The following PLEKHA5 variants were observed in gnomAD, a reference collection of about 807,000 sequenced individuals.
PLEKHA5 encodes pleckstrin homology domain-containing family A member 5.
Under a neutral mutation model 181.9 loss-of-function variants are expected in PLEKHA5, and 55 were observed. The ratio of observed to expected loss-of-function variants is 0.30; its 90% CI spans 0.24 to 0.38. The LOEUF (loss-of-function observed/expected upper bound fraction) is 0.38, where lower values mean the gene tolerates loss of function less well. PLEKHA5 is among the 10% of genes least tolerant of loss of function. The probability of loss-of-function intolerance (pLI) is 1.00; values close to 1 mark genes in which losing one functional copy is unlikely to be tolerated. For missense variants in PLEKHA5, 1,432 were observed against 1,549.5 expected, an observed-to-expected ratio of 0.92 and a Z score of 1.27; for synonymous variants, 535 against 529.4, an observed-to-expected ratio of 1.01 and a Z score of -0.15.
At chr12:19,260,304 G>T (rs1385198046) in intron 6 of PLEKHA5, among the ~76,000 whole-genome samples, 1 of 152,150 alleles carries the variant, frequency 6.6e-6, no homozygotes, top group Non-Finnish European at 1.5e-5. Flanking sequence ...TGGTTTACCA[G>T]AACACATGCA....
chr12:19,311,561 C>T (rs2086572333), intron 15 of PLEKHA5, among the ~76,000 whole-genome samples: 1 of 152,094 alleles, frequency 6.6e-6, no homozygotes, highest in Admixed American at 6.6e-5. Flanking sequence ...GTTCACAGTA[C>T]CTTCACCAGG....
intron 3 of PLEKHA5, among the ~76,000 whole-genome samples, chr12:19,192,252 C>G (rs1384484083): frequency 6.6e-6 from 1 of 151,834 alleles, no homozygotes; most frequent in East Asian, 1.9e-4. Flanking sequence ...TCATAGGAAA[C>G]TTGGAGAGAA....
At chr12:19,316,735 A>G (rs1345599130) in intron 16 of PLEKHA5, among the ~76,000 whole-genome samples, 1 of 152,190 alleles carries the variant, frequency 6.6e-6, no homozygotes. Context: ...CATCCTTAAT[A>G]GATTAAAGTG....
intron 3 of PLEKHA5, among the ~76,000 whole-genome samples, chr12:19,179,316 A>G (rs2048000451): frequency 6.6e-6 from 1 of 152,176 alleles, no homozygotes; most frequent in Non-Finnish European, 1.5e-5. Flanking sequence ...GAATTTATGC[A>G]TAAGGCTAAG....
rs370238404 is a variant in PLEKHA5 at position 19,369,182 on chromosome 12, G to A, written c.3755-511G>A. ...CCTAAGTAGCTAGGACTACAGGCACGAGCTACCATGTCTGACTAATTTTTG... is the reference window on the plus strand; with the variant it reads ...CCTAAGTAGCTAGGACTACAGGCACAAGCTACCATGTCTGACTAATTTTTG... On this transcript the variant is annotated intron_variant, in intron 30 of 31. Coordinates refer to ENST00000429027, the MANE Select transcript of PLEKHA5 (RefSeq NM_001256470.2). 2.2e-4 allele frequency among the ~76,000 whole-genome samples: 33 copies of A among 151,760 alleles called. No individual in the cohort carries two copies. The South Asian group carries it at 5.2e-3, about 24-fold the overall frequency.
intron 15 of PLEKHA5, among the ~76,000 whole-genome samples, chr12:19,302,239 T>C (rs1344686877): frequency 6.6e-6 from 1 of 152,174 alleles, no homozygotes. Flanking sequence ...AAGAGATGGG[T>C]CTTCTTCTTA....
chr12:19,298,350 T>C (rs1325699099), intron 15 of PLEKHA5, among the ~76,000 whole-genome samples: 1 of 151,906 alleles, frequency 6.6e-6, no homozygotes, highest in Non-Finnish European at 1.5e-5. Context: ...GCCTATTTAG[T>C]GCTCTTACAT....
At chr12:19,330,140 G>C (rs1432512517) in intron 20 of PLEKHA5, among the ~76,000 whole-genome samples, 1 of 152,146 alleles carries the variant, frequency 6.6e-6, no homozygotes, top group South Asian at 2.1e-4. Context: ...CTGTGTGCTA[G>C]CCTTTCTATT....
chr12:19,307,637 AT>A, intron 15 of PLEKHA5: 1 of 321,946 alleles, frequency 3.1e-6, no homozygotes. Context: ...CAAGAGAGTG[AT>A]TACATTGTCA....
At position 19,289,150 on chromosome 12, in the gene PLEKHA5, A is replaced by G. The variant is rs7964295; in HGVS notation, c.1864-1527A>G. Among the ~76,000 whole-genome samples, 1,510 of 152,272 alleles carry G rather than the reference A, an allele frequency of 9.9e-3. 22 individuals are homozygous for G. Among genetic ancestry groups the G allele is most frequent in the African/African-American group, 0.034 (1,392 of 41,538 alleles). On this transcript the variant is annotated intron_variant, in intron 13 of 31. Coordinates refer to ENST00000429027, the MANE Select transcript of PLEKHA5 (RefSeq NM_001256470.2). ...TAGGATTGGCATCAGAGCAAAAGCA[A>G]CTGTTCTTTTTCTCTTACATGGTTT... is the stretch of plus-strand genomic sequence containing the variant.
intron 3 of PLEKHA5, among the ~76,000 whole-genome samples, chr12:19,236,712 A>G (rs2061460573): frequency 6.6e-6 from 1 of 152,184 alleles, no homozygotes; most frequent in African/African-American, 2.4e-5. Flanking sequence ...GTTTTATCCT[A>G]TGCTATATGC....
chr12:19,204,542 G>A (rs2054943672), intron 3 of PLEKHA5, among the ~76,000 whole-genome samples: 1 of 152,112 alleles, frequency 6.6e-6, no homozygotes, highest in Non-Finnish European at 1.5e-5. Context: ...GGTGAATTAT[G>A]TATTTGATGG....
chr12:19,261,146 A>G (rs2068364180), intron 7 of PLEKHA5, 125 bp downstream of exon 7: 6 of 522,544 alleles, frequency 1.1e-5, no homozygotes, highest in African/African-American at 1.9e-5. Context: ...ATAGTATCAA[A>G]CAGATTTTTT....
chr12:19,166,553 A>G (rs1293790494), intron 3 of PLEKHA5, among the ~76,000 whole-genome samples: 1 of 152,102 alleles, frequency 6.6e-6, no homozygotes, highest in African/African-American at 2.4e-5. Context: ...TTACCTGACT[A>G]GTGGCTGTGA....
chr12:19,214,265 C>T (rs988633803), intron 3 of PLEKHA5, among the ~76,000 whole-genome samples: 4 of 152,168 alleles, frequency 2.6e-5, no homozygotes, highest in Non-Finnish European at 5.9e-5. Context: ...GTCTCAGGTG[C>T]TACACATCAG....
chr12:19,159,585 G>T (rs958881908), intron 3 of PLEKHA5, among the ~76,000 whole-genome samples: 1 of 151,972 alleles, frequency 6.6e-6, no homozygotes, highest in African/African-American at 2.4e-5. Context: ...ATTTAAAATT[G>T]TGCACAGTTC....
intron 3 of PLEKHA5, among the ~76,000 whole-genome samples, chr12:19,209,322 G>T (rs574360691): frequency 1.3e-5 from 2 of 152,116 alleles, no homozygotes; most frequent in Non-Finnish European, 2.9e-5. Flanking sequence ...TTTAGGAAGG[G>T]ACAAGACAAT....
chr12:19,313,404 C>T (rs1316455001), intron 15 of PLEKHA5, among the ~76,000 whole-genome samples: 1 of 151,928 alleles, frequency 6.6e-6, no homozygotes, highest in Non-Finnish European at 1.5e-5. Context: ...ATGTGTTGTT[C>T]CAAATACCTT....
rs1428941562 is a variant in PLEKHA5 at position 19,186,591 on chromosome 12, A to G, written c.227+54141A>G. ...AATTAGTAGCTAGAAGAAATGGAGT[A>G]AGAGTAAAAAGTTTAGATTGAAATT... On this transcript the variant is annotated intron_variant, in intron 3 of 31. Coordinates refer to ENST00000429027, the MANE Select transcript of PLEKHA5 (RefSeq NM_001256470.2). 2.0e-5 allele frequency among the ~76,000 whole-genome samples: 3 copies of G among 152,222 alleles called. No individual in the cohort carries two copies. The East Asian group carries it at 5.8e-4, about 29-fold the overall frequency.
Sources: gnomAD v4.1 joint callset for allele counts (sites outside exome capture counted in the v4.1 genomes callset) on GRCh38, gnomAD v4.1.1 for gene constraint, MANE v1.5 for transcripts, NCBI Gene and HGNC (gene_info 2026-07-23, HGNC 2026-07-21) for gene names.